GSE1: variants seen among roughly 807,000 people sequenced by gnomAD.
GSE1 encodes the protein Gse1 coiled-coil protein, also known as genetic suppressor element 1.
GSE1 carries 32 observed loss-of-function variants against 112.6 expected under a neutral mutation model. The observed-to-expected ratio is 0.28, with a 90% CI of 0.21 to 0.38. GSE1 has a LOEUF of 0.38. GSE1 is among the 10% of genes least tolerant of loss of function. The probability of loss-of-function intolerance (pLI) is 1.00; values close to 1 mark genes in which losing one functional copy is unlikely to be tolerated. For synonymous variants in GSE1, 1,115 were observed against 735.6 expected (o/e 1.52, Z -8.35); for missense variants, 2,348 against 1,699.2 (o/e 1.38, Z -6.71).
chr16:85,554,481 G>A (rs2045097639), upstream of GSE1, among the ~76,000 whole-genome samples: 1 of 152,142 alleles, frequency 6.6e-6, no homozygotes, highest in Non-Finnish European at 1.5e-5. Flanking sequence ...ATGCCTTCCC[G>A]GATCTGATAA....
At chr16:85,646,147 C>T (rs985905829) in intron 2 of GSE1, among the ~76,000 whole-genome samples, 9 of 126,464 alleles carry the variant, frequency 7.1e-5, no homozygotes, top group African/African-American at 2.3e-4. Flanking sequence ...ATGCATTCTA[C>T]CTGCTTCTAC....
intron 1 of GSE1, among the ~76,000 whole-genome samples, chr16:85,604,564 C>G (rs146531997): frequency 6.7e-6 from 1 of 149,696 alleles, no homozygotes; most frequent in South Asian, 2.1e-4. Context: ...TTCCATTGTA[C>G]ACAGAGACCA....
chr16:85,404,297 G>GC (rs1205380987), intron 2 of GSE1, among the ~76,000 whole-genome samples: 1 of 50,408 alleles, frequency 2.0e-5, no homozygotes, highest in Non-Finnish European at 3.7e-5. Context: ...TTACACTCAG[G>GC]CCCCCCGGAT....
chr16:85,312,206 G>A (rs1237579055), intron 1 of GSE1, among the ~76,000 whole-genome samples: 1 of 141,396 alleles, frequency 7.1e-6, no homozygotes, highest in Non-Finnish European at 1.6e-5. Flanking sequence ...TCCTCTTGCG[G>A]GGGGGGGGGG....
intron 1 of GSE1, among the ~76,000 whole-genome samples, chr16:85,321,180 G>A (rs1486708119): frequency 6.6e-6 from 1 of 152,160 alleles, no homozygotes; most frequent in Non-Finnish European, 1.5e-5. Flanking sequence ...ACAGTTCCTG[G>A]CACACAGTAG....
At chr16:85,286,675 A>G (rs1057355944) in intron 1 of GSE1, among the ~76,000 whole-genome samples, 4 of 151,480 alleles carry the variant, frequency 2.6e-5, no homozygotes, top group Non-Finnish European at 4.4e-5. Context: ...TATTAGTCCA[A>G]TTGCCCAACA....
chr16:85,467,207 G>A (rs560740333), intron 2 of GSE1, among the ~76,000 whole-genome samples: 1 of 152,322 alleles, frequency 6.6e-6, no homozygotes, highest in East Asian at 1.9e-4. Flanking sequence ...ACCATAAGGA[G>A]CGAGGGGCCG....
intron 1 of GSE1, among the ~76,000 whole-genome samples, chr16:85,284,815 G>T (rs756153863): frequency 6.6e-6 from 1 of 152,202 alleles, no homozygotes; most frequent in Non-Finnish European, 1.5e-5. Flanking sequence ...CTCCGCTGCC[G>T]TCCTGGCAGT....
chr16:85,377,114 G>A (rs1342890465), intron 2 of GSE1, among the ~76,000 whole-genome samples: 1 of 152,230 alleles, frequency 6.6e-6, no homozygotes, highest in Non-Finnish European at 1.5e-5. Flanking sequence ...GTTGCCGTGT[G>A]TGCACAGTTG....
chr16:85,667,836 A>C (rs2052998543), intron 13 of GSE1, among the ~76,000 whole-genome samples: 1 of 152,138 alleles, frequency 6.6e-6, no homozygotes, highest in Non-Finnish European at 1.5e-5. Flanking sequence ...CCAGCCTGCT[A>C]CCCAGAGGAC....
At chr16:85,201,658 A>C (rs1397531298) in intron 1 of GSE1, among the ~76,000 whole-genome samples, 1 of 151,868 alleles carries the variant, frequency 6.6e-6, no homozygotes, top group African/African-American at 2.4e-5. Flanking sequence ...TCTCAAAAAA[A>C]AAAACAACAA....
intron 11 of GSE1, 87 bp from the exon 12 acceptor site, chr16:85,664,928 C>A: frequency 1.1e-6 from 1 of 881,176 alleles, no homozygotes; most frequent in African/African-American, 1.6e-5. Context: ...CTTTGCCTGC[C>A]CCTCAAGGCT....
rs530309180 is a variant in GSE1, at chr16:85,176,630, G to A, written c.2283+4823G>A. 2.3e-4 allele frequency among the ~76,000 whole-genome samples: 35 copies of A among 152,394 alleles called. No homozygotes were observed. The East Asian group carries it at 6.4e-3, about 28-fold the overall frequency. On this transcript the variant is annotated intron_variant, in intron 1 of 2. Transcript: ENST00000637419. ...GCTTCCCGCTTCCAGGACTCTGTCC[G>A]GAGAGCATTCTGGTTAATGGCGCAT...
chr16:85,639,698 C>G (rs368092680), intron 2 of GSE1, among the ~76,000 whole-genome samples: 1 of 152,252 alleles, frequency 6.6e-6, no homozygotes, highest in African/African-American at 2.4e-5. Flanking sequence ...GGTGTGACAG[C>G]TGTCGGGCCT....
At chr16:85,452,042 C>T (rs1289109192) in intron 2 of GSE1, among the ~76,000 whole-genome samples, 4 of 152,026 alleles carry the variant, frequency 2.6e-5, no homozygotes, top group African/African-American at 9.7e-5. Context: ...ACCCAAGGTC[C>T]GTGTCTCGGT....
chr16:85,618,021 G>A (rs566466224), intron 1 of GSE1, among the ~76,000 whole-genome samples: 1 of 152,278 alleles, frequency 6.6e-6, no homozygotes, highest in South Asian at 2.1e-4. Flanking sequence ...GCCTGGCCCA[G>A]GTGTGCTTTG....
chr16:85,298,207 A>G (rs867783110), intron 1 of GSE1, among the ~76,000 whole-genome samples: 3 of 152,140 alleles, frequency 2.0e-5, no homozygotes, highest in East Asian at 1.9e-4. Context: ...TGGTGATGCA[A>G]TGCTGCTGTT....
chr16:85,658,119 G>A (rs946938879), intron 8 of GSE1, among the ~76,000 whole-genome samples: 1 of 152,170 alleles, frequency 6.6e-6, no homozygotes, highest in African/African-American at 2.4e-5. Context: ...AAACTGTGTG[G>A]TGGTCCCTTG....
At chr16:85,443,163 G>T (rs1205704038) in intron 2 of GSE1, among the ~76,000 whole-genome samples, 1 of 152,170 alleles carries the variant, frequency 6.6e-6, no homozygotes, top group South Asian at 2.1e-4. Flanking sequence ...AATGTGGTTG[G>T]GGGGGCACCG....
Sources: gnomAD v4.1 joint callset for allele counts (sites outside exome capture counted in the v4.1 genomes callset) on GRCh38, gnomAD v4.1.1 for gene constraint, MANE v1.5 for transcripts, NCBI Gene and HGNC (gene_info 2026-07-23, HGNC 2026-07-21) for gene names.